Variants in SGMS1 observed in about 807,000 individuals in gnomAD.
SGMS1 encodes phosphatidylcholine:ceramide cholinephosphotransferase 1.
A neutral mutation model predicts 46.2 loss-of-function variants in SGMS1; 13 were observed. The ratio of observed to expected loss-of-function variants is 0.28; its 90% CI spans 0.18 to 0.45. SGMS1 has a LOEUF of 0.45. SGMS1 is among the 20% of genes least tolerant of loss of function. SGMS1 has a pLI of 1.00. For missense variants in SGMS1, 324 were observed against 519.9 expected (o/e 0.62, Z 3.66); for synonymous variants, 203 against 187.8 (o/e 1.08, Z -0.66).
At chr10:50,317,172 A>G (rs2574978) in intron 8 of SGMS1, among the ~76,000 whole-genome samples, 11,146 of 152,244 alleles carry the variant, frequency 0.073, 973 homozygotes, top group East Asian at 0.33. Flanking sequence ...AGTCCCCACC[A>G]GGAAGGTAAT....
At chr10:50,458,369 T>TTTTTTTTTTG (rs1837221346) in intron 5 of SGMS1, among the ~76,000 whole-genome samples, 1 of 108,098 alleles carries the variant, frequency 9.3e-6, no homozygotes, top group Admixed American at 1.1e-4. Flanking sequence ...TTTTTTTTTT[T>TTTTTTTTTTG]GTTTGAGGTG....
intron 5 of SGMS1, among the ~76,000 whole-genome samples, chr10:50,434,801 G>A (rs1239702659): frequency 6.7e-6 from 1 of 149,580 alleles, no homozygotes; most frequent in Non-Finnish European, 1.5e-5. Context: ...AGAGAATGAC[G>A]TGAACCCGGG....
At chr10:50,537,976 C>T (rs987343269) in intron 2 of SGMS1, among the ~76,000 whole-genome samples, 4 of 152,090 alleles carry the variant, frequency 2.6e-5, no homozygotes, top group Non-Finnish European at 4.4e-5. Context: ...TTGGTCAGTT[C>T]TCAAGAAGGC....
At chr10:50,406,704 C>CTTT (rs11424535) in intron 6 of SGMS1, among the ~76,000 whole-genome samples, 95 of 145,042 alleles carry the variant, frequency 6.5e-4, no homozygotes, top group Admixed American at 8.2e-4. Context: ...AGCTATAATT[C>CTTT]TTTTTTTTTT....
chr10:50,371,412 A>G (rs534720115), intron 6 of SGMS1, among the ~76,000 whole-genome samples: 1 of 152,358 alleles, frequency 6.6e-6, no homozygotes, highest in East Asian at 1.9e-4. Flanking sequence ...CAGCAAGAGA[A>G]CTTTTAAAAC....
chr10:50,317,838 TGAGA>T (rs546634975), intron 8 of SGMS1, among the ~76,000 whole-genome samples: 137 of 151,286 alleles, frequency 9.1e-4, no homozygotes, highest in African/African-American at 3.1e-3. Flanking sequence ...CTCACTCTCT[TGAGA>T]GCCCCGGCTG....
At chr10:50,618,972 C>G (rs1355166956) in intron 1 of SGMS1, among the ~76,000 whole-genome samples, 2 of 151,944 alleles carry the variant, frequency 1.3e-5, no homozygotes, top group Non-Finnish European at 1.5e-5. Context: ...AACCACTACC[C>G]TAGGGATATT....
intron 3 of SGMS1, among the ~76,000 whole-genome samples, chr10:50,478,545 C>G (rs957619378): frequency 6.6e-6 from 1 of 152,086 alleles, no homozygotes; most frequent in African/African-American, 2.4e-5. Flanking sequence ...TTTACAGGGT[C>G]AGTGAGTAGG....
intron 6 of SGMS1, among the ~76,000 whole-genome samples, chr10:50,400,441 A>G (rs1848918548): frequency 1.8e-5 from 1 of 54,458 alleles, no homozygotes; most frequent in African/African-American, 7.1e-5. Flanking sequence ...ATATATATAT[A>G]TATATATATA....
intron 1 of SGMS1, among the ~76,000 whole-genome samples, chr10:50,622,966 C>T (rs980464477): frequency 6.6e-6 from 1 of 152,248 alleles, no homozygotes; most frequent in Non-Finnish European, 1.5e-5. Flanking sequence ...AAAGCGGCGT[C>T]CTGGAGAGAC....
chr10:50,348,275 C>T (rs1231992860), intron 6 of SGMS1, among the ~76,000 whole-genome samples: 2 of 152,202 alleles, frequency 1.3e-5, no homozygotes, highest in African/African-American at 4.8e-5. Context: ...CCCTCTCTCA[C>T]CACTCCTATT....
chr10:50,537,394 CACTT>C (rs35133891), intron 2 of SGMS1, among the ~76,000 whole-genome samples: 30,205 of 151,066 alleles, frequency 0.2, 3,927 homozygotes, highest in East Asian at 0.64. Context: ...ATGATGCTAA[CACTT>C]AATTTACTTA....
chr10:50,450,959 A>G (rs1382446285), intron 5 of SGMS1, among the ~76,000 whole-genome samples: 1 of 151,478 alleles, frequency 6.6e-6, no homozygotes, highest in Non-Finnish European at 1.5e-5. Context: ...TTACATTCTA[A>G]AATTTGAACA....
At chr10:50,400,022 C>T (rs1411476147) in intron 6 of SGMS1, among the ~76,000 whole-genome samples, 4 of 144,140 alleles carry the variant, frequency 2.8e-5, no homozygotes, top group Non-Finnish European at 6.2e-5. Flanking sequence ...CAGTGAGACT[C>T]CTTCTCAAAA....
chr10:50,455,992 A>G (rs1163811917), intron 5 of SGMS1, among the ~76,000 whole-genome samples: 1 of 152,174 alleles, frequency 6.6e-6, no homozygotes, highest in Non-Finnish European at 1.5e-5. Context: ...AAAGCAGGCT[A>G]ATCTATGGGA....
At chr10:50,471,905 G>A (rs981147103) in intron 3 of SGMS1, among the ~76,000 whole-genome samples, 22 of 152,052 alleles carry the variant, frequency 1.4e-4, no homozygotes, top group African/African-American at 4.8e-4. Context: ...TAGCTTCTTC[G>A]CGGGCAAGAG....
chr10:50,447,437 T>G (rs11005730), intron 5 of SGMS1, among the ~76,000 whole-genome samples: 19,979 of 152,128 alleles, frequency 0.13, 1,426 homozygotes, highest in Middle Eastern at 0.22. Flanking sequence ...GTATCATTTC[T>G]TTCCTCTTTA....
intron 7 of SGMS1, among the ~76,000 whole-genome samples, chr10:50,339,437 G>A (rs1002572010): frequency 3.9e-5 from 6 of 152,102 alleles, no homozygotes; most frequent in Non-Finnish European, 8.8e-5. Flanking sequence ...TCTGGTTTCC[G>A]ATCATTCAAT....
In SGMS1 at chr10:50,457,528, A is replaced by C. The variant is rs368739413; in HGVS notation, c.-313+3145T>G. The stretch of plus-strand genomic sequence containing the variant: ...GTACGAAGGATCCCATCACCAAGGT[A>C]GTAAGCACAGTACCCAACAGTTAGT... On this transcript the variant is annotated intron_variant, in intron 5 of 10. Transcript: ENST00000361781. Among the ~76,000 whole-genome samples the C allele has an allele frequency of 2.4e-4, 36 of 152,296 alleles. No homozygotes were observed. The East Asian group carries it at 5.6e-3, about 24-fold the overall frequency.
Sources: allele counts gnomAD v4.1 joint callset (sites outside exome capture counted in the v4.1 genomes callset), GRCh38; gene constraint gnomAD v4.1.1; transcripts MANE v1.5; gene names NCBI Gene and HGNC (gene_info 2026-07-23, HGNC 2026-07-21).